Variants in CFAP65 observed in about 807,000 individuals in gnomAD.
CFAP65 encodes cilia- and flagella-associated protein 65.
In CFAP65, 155 loss-of-function variants were observed where a neutral mutation model predicts 208.0. The observed-to-expected ratio is 0.75, with a 90% CI of 0.65 to 0.85. The LOEUF is 0.85. Among genes scored for constraint, CFAP65 ranks in the 40% least tolerant of loss-of-function variants. The pLI is 0.00. For missense variants in CFAP65, 2,294 were observed against 2,451.3 expected (o/e 0.94, Z 1.36); for synonymous variants, 970 against 986.3 (o/e 0.98, Z 0.31).
At chr2:219,006,379 G>A in intron 30 of CFAP65, 86 bp downstream of exon 30, 5 of 1,549,362 alleles carry the variant, frequency 3.2e-6, no homozygotes, top group Non-Finnish European at 4.5e-6. Flanking sequence ...TGGGAGTCTG[G>A]TCCAGGGGTT....
chr2:219,036,175 G>A (rs1018092480), intron 4 of CFAP65, among the ~76,000 whole-genome samples: 1 of 152,196 alleles, frequency 6.6e-6, no homozygotes, highest in Non-Finnish European at 1.5e-5. Flanking sequence ...CAGAGGAGGA[G>A]CCAATTTGCT....
In CFAP65 at chr2:219,010,963, C is replaced by T. The variant is rs544681078; in HGVS notation, c.3991G>A (p.Val1331Met). ...YELYNGGSVPVTYEVQTDVLS... is the reference protein window; with the variant it reads ...YELYNGGSVPMTYEVQTDVLS... Reference sequence around the variant, plus strand: ...ACATCGGTCTGGACCTCATATGTCACGGGCACTGAGCCACCATTATACAGC... The same window carrying T: ...ACATCGGTCTGGACCTCATATGTCATGGGCACTGAGCCACCATTATACAGC... Residue 1331 changes from valine to methionine, a missense_variant, in exon 25 of 35, where the codon GTG becomes ATG. Around this residue, in one of 2 missense-constraint regions of CFAP65, gnomAD observed 1,427 missense variants for 1,438.7 expected, o/e 0.99. Coordinates refer to ENST00000341552, the MANE Select transcript of CFAP65 (RefSeq NM_194302.4). 50 of 1,613,350 alleles carry T rather than the reference C, an allele frequency of 3.1e-5. No homozygotes were observed. The highest frequency in any genetic ancestry group is 2.2e-4 in the East Asian group (10 of 44,866).
chr2:219,016,625 T>G (rs191900627), intron 21 of CFAP65, among the ~76,000 whole-genome samples: 64 of 152,158 alleles, frequency 4.2e-4, no homozygotes, highest in Non-Finnish European at 3.2e-4. Flanking sequence ...TCCAACCCCT[T>G]TCCCTTCCAG....
In CFAP65 at chr2:219,002,908, G is replaced by T. The variant is rs776982637; in HGVS notation, c.*29C>A. The T allele has an allele frequency of 1.3e-6, 2 of 1,549,742 alleles. No homozygotes were observed. Among genetic ancestry groups the T allele is most frequent in the East Asian group, 2.4e-5 (1 of 42,390 alleles). On this transcript the variant is annotated 3_prime_UTR_variant, in exon 35 of 35. Transcript: ENST00000341552. This position sits in a 1 kb window ranked among gnomAD's most constrained non-coding sequence, Gnocchi z 7.9. ...GAGGGGGCCAGGCGTGACCCCTAGC[G>T]GCATGTCGGAGAGGCTGGGCGCGGG...
At position 219,031,400 on chromosome 2, in the gene CFAP65, C is replaced by A; in HGVS notation, c.815+89G>T. ...CTGGGCAGAACCTCAGACTACCCTA[C>A]CCCGACAAGGGTATGCCTGTCTCTC... On this transcript the variant is annotated intron_variant, in intron 7 of 34. Coordinates refer to ENST00000341552, the MANE Select transcript of CFAP65 (RefSeq NM_194302.4). This position sits in a 1 kb window ranked among gnomAD's most constrained non-coding sequence, Gnocchi z 5.2. 5.0e-6 allele frequency: 8 copies of A among 1,607,546 alleles called. No homozygotes were observed. The highest frequency in any genetic ancestry group is 6.8e-6 in the Non-Finnish European group (8 of 1,175,600).
rs777560231 is a variant in CFAP65, at chr2:219,005,530, T to C, written c.4955A>G (p.Glu1652Gly). The change falls in exon 32 of 35, where the codon GAG becomes GGG. Residue 1652 changes from glutamate to glycine, a missense_variant. Glu to Gly is a moderately conservative substitution (Grantham distance 98). Coordinates refer to ENST00000341552, the MANE Select transcript of CFAP65 (RefSeq NM_194302.4). Reference sequence around the variant, plus strand: ...GGATTTTTCCTCAGAAGTCTCTGACTCTTCCCTGGGGGCCTTCCTCTTTGG... The same window carrying C: ...GGATTTTTCCTCAGAAGTCTCTGACCCTTCCCTGGGGGCCTTCCTCTTTGG... ...ELPKRKAPREESETSEEKSPN... is the reference protein window; with the variant it reads ...ELPKRKAPREGSETSEEKSPN... The C allele has an allele frequency of 1.2e-6, 2 of 1,612,676 alleles. No individual in the cohort carries two copies. The highest frequency in any genetic ancestry group is 1.7e-6 in the Non-Finnish European group (2 of 1,179,946).
rs1398337909 is a variant in CFAP65, at chr2:219,029,412, G to T, written c.1641C>A (p.Ile547=). 6.2e-7 allele frequency: 1 copy of T among 1,612,920 alleles called. No individual in the cohort carries two copies. The highest frequency in any genetic ancestry group is 1.3e-5 in the African/African-American group (1 of 75,024). ...CCTCCCCACGACTCACCTGGTGGTG[G>T]ATGAGACAGGCCACACGCCGAAAGC... ...IICFRRVACL[I]HHQDPLFLDL... is the part of the protein sequence containing the mutation. The change falls in exon 11 of 35, where the codon ATC becomes ATA. Residue 547 remains isoleucine, a synonymous_variant. Coordinates refer to ENST00000341552, the MANE Select transcript of CFAP65 (RefSeq NM_194302.4).
At position 219,019,685 on chromosome 2, in the gene CFAP65, G is replaced by A. The variant is rs1221901646; in HGVS notation, c.3294C>T (p.Cys1098=). 1.1e-5 allele frequency: 17 copies of A among 1,613,408 alleles called. No homozygotes were observed. The highest frequency in any genetic ancestry group is 4.5e-5 in the East Asian group (2 of 44,888). Residue 1098 remains cysteine, a synonymous_variant, in exon 20 of 35, where the codon TGC becomes TGT. Coordinates refer to ENST00000341552, the MANE Select transcript of CFAP65 (RefSeq NM_194302.4). ...AGGGGTACACGGCCACCAGGGAGAC[G>A]CAGCACAGCTCCTGCTTCTCCCCAG... ...NKAGEKQELC[C]VSLVAVYPLL...
At chr2:219,018,845 A>G in intron 21 of CFAP65, 1 of 655,148 alleles carries the variant, frequency 1.5e-6, no homozygotes, top group African/African-American at 1.8e-5. Flanking sequence ...TTCTGAGCCT[A>G]TCACCGTGTC....
chr2:219,024,947 A>G (rs1310280240), intron 14 of CFAP65, among the ~76,000 whole-genome samples: 1 of 152,152 alleles, frequency 6.6e-6, no homozygotes, highest in Non-Finnish European at 1.5e-5. Context: ...GAAAATACAA[A>G]ATAAAAAAGT....
intron 21 of CFAP65, 60 bp downstream of exon 21, chr2:219,018,991 C>T (rs764682531): frequency 2.5e-6 from 4 of 1,608,274 alleles, no homozygotes; most frequent in South Asian, 2.2e-5. Context: ...AGCTCTTGTT[C>T]TCCTTCAGCC....
At chr2:219,024,482 G>T (rs940252432) in intron 14 of CFAP65, among the ~76,000 whole-genome samples, 1 of 137,466 alleles carries the variant, frequency 7.3e-6, no homozygotes. Context: ...GGGCGGGGGG[G>T]GGGCAGGGGG....
chr2:219,028,255 C>G lies in CFAP65; in HGVS notation c.1797G>C (p.Leu599=). 6.2e-7 allele frequency: 1 copy of G among 1,614,110 alleles called. No individual in the cohort carries two copies. Among genetic ancestry groups the G allele is most frequent in the Non-Finnish European group, 8.5e-7 (1 of 1,180,000 alleles). The change falls in exon 12 of 35, where the codon CTG becomes CTC. Residue 599 remains leucine (L), a synonymous_variant. Coordinates refer to ENST00000341552, the MANE Select transcript of CFAP65 (RefSeq NM_194302.4). ...LYPPDILDAM[L]KEKKLAQDQN... is the part of the protein sequence containing the mutation. The stretch of plus-strand genomic sequence containing the variant: ...GGTCCTGTGCCAGCTTCTTCTCCTT[C>G]AGCATGGCATCCAGGATGTCAGGGG...
chr2:219,039,002 A>C lies in CFAP65; in HGVS notation c.47T>G (p.Val16Gly). The C allele has an allele frequency of 6.2e-7, 1 of 1,613,568 alleles. No individual in the cohort carries two copies. The highest frequency in any genetic ancestry group is 8.5e-7 in the Non-Finnish European group (1 of 1,179,714). ...GCRLVEKTQK[V>G]ENPSVSFASS... is the part of the protein sequence containing the mutation. Reference sequence around the variant, plus strand: ...GGCAAATGAGACTGATGGATTCTCCACCTTCTGGGTTTTCTCCACCAGTCT... The same window carrying C: ...GGCAAATGAGACTGATGGATTCTCCCCCTTCTGGGTTTTCTCCACCAGTCT... Residue 16 changes from valine (V) to glycine (G), a missense_variant, in exon 3 of 35, where the codon GTG (valine) becomes GGG (glycine). Around this residue, in one of 2 missense-constraint regions of CFAP65, gnomAD observed 867 missense variants for 1,012.6 expected, o/e 0.86. Transcript: ENST00000341552.
At chr2:219,020,104 A>G (rs1260148907) in intron 19 of CFAP65, among the ~76,000 whole-genome samples, 1 of 148,628 alleles carries the variant, frequency 6.7e-6, no homozygotes, top group Non-Finnish European at 1.5e-5. Context: ...ATCTAATTTT[A>G]GAAAATTTTC....
At chr2:219,018,823 C>T in intron 21 of CFAP65, 1 of 594,924 alleles carries the variant, frequency 1.7e-6, no homozygotes, top group East Asian at 2.9e-5. Context: ...TCCATCAGGG[C>T]AGTCCCACCG....
intron 19 of CFAP65, among the ~76,000 whole-genome samples, chr2:219,020,299 G>C (rs1317153897): frequency 6.6e-6 from 1 of 152,282 alleles, no homozygotes; most frequent in East Asian, 1.9e-4. Flanking sequence ...CAAGATTCAT[G>C]CAAGTGGTGG....
Position 219,035,537 on chromosome 2 carries a change from G to T in CFAP65, c.485C>A (p.Thr162Asn). Reference protein sequence around the residue: ...HWKGWELGKETTRNLVLKNRS... With the variant: ...HWKGWELGKENTRNLVLKNRS... ...ATTTTTCAGAACCAGATTCCTTGTG[G>T]TCTCCTTTCCTAGCTCCCAGCCTTT... is the stretch of plus-strand genomic sequence containing the variant. Residue 162 changes from threonine to asparagine, a missense_variant, in exon 5 of 35, where the codon ACC becomes AAC. Transcript: ENST00000341552. 3.1e-6 allele frequency: 5 copies of T among 1,614,028 alleles called. No homozygotes were observed. Among genetic ancestry groups the T allele is most frequent in the Non-Finnish European group, 4.2e-6 (5 of 1,179,994 alleles).
In CFAP65 at chr2:219,038,521, C is replaced by A. The variant is rs527592418; in HGVS notation, c.211G>T (p.Ala71Ser). The change falls in exon 4 of 35, where the codon GCT (alanine) becomes TCT (serine). Residue 71 changes from alanine to serine, a missense_variant. Coordinates refer to ENST00000341552, the MANE Select transcript of CFAP65 (RefSeq NM_194302.4). ...CTGGACCTCACGACGGAGCTTGGAGCCTGGGTGAGCATCATGTCCTTGGGA... is the reference window on the plus strand; with the variant it reads ...CTGGACCTCACGACGGAGCTTGGAGACTGGGTGAGCATCATGTCCTTGGGA... The part of the protein sequence containing the change: ...LCPKDMMLTQ[A>S]PSSVVRSRNS... The A allele has an allele frequency of 2.5e-6, 4 of 1,614,138 alleles. No individual in the cohort carries two copies. In the African/African-American group the frequency reaches 5.3e-5, roughly 22 times the overall value.
Sources: gnomAD v4.1 joint callset for allele counts (sites outside exome capture counted in the v4.1 genomes callset) on GRCh38, gnomAD v4.1.1 for gene constraint, gnomAD v4.1.1 regional missense constraint, Gnocchi (gnomAD v3.1) non-coding constraint, MANE v1.5 for transcripts, NCBI Gene and HGNC (gene_info 2026-07-23, HGNC 2026-07-21) for gene names.